Variants in TRIM62 observed in about 807,000 individuals in gnomAD.
TRIM62 encodes the protein tripartite motif containing 62, also known as E3 ubiquitin-protein ligase TRIM62.
TRIM62 carries 39 observed loss-of-function variants against 44.2 expected under a neutral mutation model. That is an observed-to-expected ratio of 0.88 (90% CI 0.68 to 1.15). The LOEUF (loss-of-function observed/expected upper bound fraction) is 1.15, where lower values mean the gene tolerates loss of function less well. Among genes scored for constraint, TRIM62 ranks in the 50% most tolerant of loss-of-function variants. The probability of loss-of-function intolerance (pLI) is 0.00; values close to 1 mark genes in which losing one functional copy is unlikely to be tolerated. For missense variants in TRIM62, 544 were observed against 665.5 expected, an observed-to-expected ratio of 0.82 and a Z score of 2.01; for synonymous variants, 278 against 292.3, an observed-to-expected ratio of 0.95 and a Z score of 0.50.
intron 1 of TRIM62, among the ~76,000 whole-genome samples, chr1:33,178,763 G>A: frequency 6.6e-6 from 1 of 152,228 alleles, no homozygotes; most frequent in East Asian, 1.9e-4. Flanking sequence ...CAGTGCACTA[G>A]AGAGTAAGCA....
In TRIM62 at chr1:33,147,301, A is replaced by G. The variant is rs747388545; in HGVS notation, c.1304T>C (p.Met435Thr). ...CTCGCGGAAGGTGTAGAGCCAGGAC[A>G]TGTCATCAGCATTGTAGAAGATGAG... Reference protein sequence around the residue: ...GLLIFYNADDMSWLYTFREKF... With the variant: ...GLLIFYNADDTSWLYTFREKF... The change falls in exon 5 of 5, where the codon ATG (methionine) becomes ACG (threonine). Residue 435 changes from methionine to threonine, a missense_variant. Physicochemically the swap from Met to Thr is moderately conservative, Grantham distance 81. Transcript: ENST00000291416. The surrounding 1 kb of genome is among the most constrained non-coding windows in gnomAD (Gnocchi z 8.1). The G allele has an allele frequency of 2.5e-6, 4 of 1,613,984 alleles. No homozygotes were observed. The highest frequency in any genetic ancestry group is 2.5e-6 in the Non-Finnish European group (3 of 1,180,026).
chr1:33,181,470 G>C lies in TRIM62; in HGVS notation c.-38C>G. 1 of 1,544,940 alleles carries C rather than the reference G, an allele frequency of 6.5e-7. No homozygotes were observed. The highest frequency in any genetic ancestry group is 8.7e-7 in the Non-Finnish European group (1 of 1,155,236). ...AGCAGAGAGGGGGGCCCGAGGGGCA[G>C]GGGGGCGGCTGAGAGAGCGCGGCGC... On this transcript the variant is annotated 5_prime_UTR_variant, in exon 1 of 5. Coordinates refer to ENST00000291416, the MANE Select transcript of TRIM62 (RefSeq NM_018207.3). This position sits in a 1 kb window ranked among gnomAD's most constrained non-coding sequence, Gnocchi z 6.5.
At position 33,177,091 on chromosome 1, in the gene TRIM62, A is replaced by G. The variant is rs1165470895; in HGVS notation, c.408+3934T>C. Among the ~76,000 whole-genome samples the G allele has an allele frequency of 6.6e-6, 1 of 150,958 alleles. No individual in the cohort carries two copies. The highest frequency in any genetic ancestry group is 1.5e-5 in the Non-Finnish European group (1 of 67,716). The stretch of plus-strand genomic sequence containing the variant: ...TGCACACACACACATGCATGCACAA[A>G]TGCACACACATGCACACACACATGC... On this transcript the variant is annotated intron_variant, in intron 1 of 4. Transcript: ENST00000291416. This position sits in a 1 kb window ranked among gnomAD's most constrained non-coding sequence, Gnocchi z 4.1.
chr1:33,173,872 A>G (rs1645393769), intron 1 of TRIM62, among the ~76,000 whole-genome samples: 1 of 151,332 alleles, frequency 6.6e-6, no homozygotes, highest in East Asian at 2.0e-4. Context: ...AATTTTTAAA[A>G]ATTTATTGTA....
intron 4 of TRIM62, among the ~76,000 whole-genome samples, chr1:33,157,795 TG>T (rs1570308000): frequency 6.6e-6 from 1 of 151,984 alleles, no homozygotes; most frequent in East Asian, 1.9e-4. Context: ...CTTGCTCTGT[TG>T]CCCAGGCTGG....
rs755895673 is a variant in TRIM62, at chr1:33,167,348, T to C, written c.409-1782A>G. 1.3e-5 allele frequency among the ~76,000 whole-genome samples: 2 copies of C among 152,210 alleles called. No individual in the cohort carries two copies. Among genetic ancestry groups the C allele is most frequent in the African/African-American group, 2.4e-5 (1 of 41,448 alleles). On this transcript the variant is annotated intron_variant, in intron 1 of 4. Transcript: ENST00000291416. This position sits in a 1 kb window ranked among gnomAD's most constrained non-coding sequence, Gnocchi z 4.2. ...AGTAGTAGGAATCTTGTCTGGCTTG[T>C]TCCCTGCCTTATGCCCAGGGACTCA...
chr1:33,156,272 C>T (rs780982932), intron 4 of TRIM62, among the ~76,000 whole-genome samples: 7 of 152,228 alleles, frequency 4.6e-5, no homozygotes, highest in East Asian at 1.9e-4. Flanking sequence ...CTCTCTCCTT[C>T]GCTTGAAAAC....
chr1:33,180,849 G>A (rs1645454971), intron 1 of TRIM62, among the ~76,000 whole-genome samples, 176 bp downstream of exon 1: 1 of 136,720 alleles, frequency 7.3e-6, no homozygotes, highest in Non-Finnish European at 1.6e-5. Flanking sequence ...GCCATGCGGC[G>A]GCCCCGCCCC....
At chr1:33,168,852 G>A (rs893831778) in intron 1 of TRIM62, among the ~76,000 whole-genome samples, 1 of 152,184 alleles carries the variant, frequency 6.6e-6, no homozygotes, top group African/African-American at 2.4e-5. Flanking sequence ...GCCCCCATGG[G>A]TCCACAGAAG....
chr1:33,177,103 G>T lies in TRIM62; in HGVS notation c.408+3922C>A. Among the ~76,000 whole-genome samples the T allele has an allele frequency of 6.6e-6, 1 of 150,778 alleles. No homozygotes were observed. The highest frequency in any genetic ancestry group is 2.4e-5 in the African/African-American group (1 of 40,950). ...CATGCATGCACAAATGCACACACAT[G>T]CACACACACATGCATGTACGCATGC... On this transcript the variant is annotated intron_variant, in intron 1 of 4. Coordinates refer to ENST00000291416, the MANE Select transcript of TRIM62 (RefSeq NM_018207.3). This position sits in a 1 kb window ranked among gnomAD's most constrained non-coding sequence, Gnocchi z 4.1.
intron 1 of TRIM62, among the ~76,000 whole-genome samples, chr1:33,170,441 G>A (rs1222689254): frequency 2.6e-5 from 4 of 152,036 alleles, no homozygotes; most frequent in Non-Finnish European, 5.9e-5. Flanking sequence ...GCTCTTGAGG[G>A]CAAGGACTGT....
intron 4 of TRIM62, among the ~76,000 whole-genome samples, chr1:33,156,834 A>G (rs1474617134): frequency 3.3e-5 from 5 of 151,488 alleles, no homozygotes; most frequent in African/African-American, 9.7e-5. Context: ...AATAATTACT[A>G]TCTCCCTCGT....
chr1:33,173,480 G>A (rs188979704), intron 1 of TRIM62, among the ~76,000 whole-genome samples: 14 of 152,180 alleles, frequency 9.2e-5, no homozygotes, highest in African/African-American at 3.4e-4. Context: ...AGCATTCAAA[G>A]CCCTTCCTGA....
intron 1 of TRIM62, among the ~76,000 whole-genome samples, chr1:33,171,832 G>A (rs1369690113): frequency 1.3e-5 from 2 of 151,880 alleles, no homozygotes; most frequent in Non-Finnish European, 2.9e-5. Flanking sequence ...CCCAGTCTGG[G>A]GTGTAGTGGT....
chr1:33,157,315 T>C (rs1242015503), intron 4 of TRIM62, among the ~76,000 whole-genome samples: 1 of 152,182 alleles, frequency 6.6e-6, no homozygotes, highest in Non-Finnish European at 1.5e-5. Flanking sequence ...TGAGATGTGC[T>C]CCTGCCTCAG....
chr1:33,169,825 G>A lies in TRIM62; in HGVS notation c.409-4259C>T, dbSNP rs542650336. Among the ~76,000 whole-genome samples the A allele has an allele frequency of 6.6e-5, 10 of 152,302 alleles. No homozygotes were observed. The South Asian group carries it at 1.7e-3, about 25-fold the overall frequency. The stretch of plus-strand genomic sequence containing the variant: ...AGACAGTGCAGACACAGAACTGCCC[G>A]TTCTACCAGAGAGTTCTAGTGGACA... On this transcript the variant is annotated intron_variant, in intron 1 of 4. Transcript: ENST00000291416.
At position 33,167,228 on chromosome 1, in the gene TRIM62, C is replaced by T. The variant is rs952575235; in HGVS notation, c.409-1662G>A. Among the ~76,000 whole-genome samples, 1 of 152,220 alleles carries T rather than the reference C, an allele frequency of 6.6e-6. No individual in the cohort carries two copies. Among genetic ancestry groups the T allele is most frequent in the African/African-American group, 2.4e-5 (1 of 41,458 alleles). Reference sequence around the variant, plus strand: ...CACCTCCTCATACCCTGTCACACATCTGGATTCACGGTCTTCCTTGCGCCT... The same window carrying T: ...CACCTCCTCATACCCTGTCACACATTTGGATTCACGGTCTTCCTTGCGCCT... On this transcript the variant is annotated intron_variant, in intron 1 of 4. Transcript: ENST00000291416. This position sits in a 1 kb window ranked among gnomAD's most constrained non-coding sequence, Gnocchi z 4.2.
Position 33,147,510 on chromosome 1 carries a change from G to T in TRIM62, c.1095C>A (p.Ile365=), listed in dbSNP as rs767781314. 1.9e-6 allele frequency: 3 copies of T among 1,613,246 alleles called. No homozygotes were observed. Among genetic ancestry groups the T allele is most frequent in the Non-Finnish European group, 2.5e-6 (3 of 1,179,792 alleles). The change falls in exon 5 of 5, where the codon ATC becomes ATA. Residue 365 remains isoleucine, a synonymous_variant. Transcript: ENST00000291416. This position sits in a 1 kb window ranked among gnomAD's most constrained non-coding sequence, Gnocchi z 8.1. The part of the protein sequence containing the change: ...VVVAEKTQWV[I]GLAHEAASRK... ...GGCTTGCGGCTTCGTGTGCCAGCCCGATCACCCACTGGGTCTTCTCCGCCA... is the reference window on the plus strand; with the variant it reads ...GGCTTGCGGCTTCGTGTGCCAGCCCTATCACCCACTGGGTCTTCTCCGCCA...
intron 1 of TRIM62, among the ~76,000 whole-genome samples, chr1:33,169,201 C>T (rs1482359209): frequency 3.3e-5 from 5 of 152,064 alleles, no homozygotes; most frequent in Non-Finnish European, 5.9e-5. Context: ...GGGAATGCTG[C>T]GATCGTGTTA....
Sources: allele counts gnomAD v4.1 joint callset (sites outside exome capture counted in the v4.1 genomes callset), GRCh38; gene constraint gnomAD v4.1.1; non-coding constraint Gnocchi (gnomAD v3.1); transcripts MANE v1.5; gene names NCBI Gene and HGNC (gene_info 2026-07-23, HGNC 2026-07-21).